Variants in DOCK2 observed in about 807,000 individuals in gnomAD.
DOCK2 encodes the protein dedicator of cytokinesis protein 2.
A neutral mutation model predicts 248.9 loss-of-function variants in DOCK2; 87 were observed. The observed-to-expected ratio is 0.35, with a 90% CI of 0.29 to 0.42. DOCK2 has a LOEUF of 0.42. DOCK2 is among the 10% of genes least tolerant of loss of function. The pLI is 1.00. For missense variants in DOCK2, 1,747 were observed against 2,300.2 expected (o/e 0.76, Z 4.92); for synonymous variants, 805 against 821.6 (o/e 0.98, Z 0.35).
At chr5:169,818,769 A>G (rs1768232816) in intron 26 of DOCK2, among the ~76,000 whole-genome samples, 1 of 152,094 alleles carries the variant, frequency 6.6e-6, no homozygotes, top group Non-Finnish European at 1.5e-5. Flanking sequence ...TCACGCAAAC[A>G]TATCTTTGAG....
chr5:169,686,555 C>T (rs924577369), intron 8 of DOCK2, among the ~76,000 whole-genome samples: 1 of 152,170 alleles, frequency 6.6e-6, no homozygotes. Context: ...AGAGAAGAGG[C>T]ACAATGCAGG....
intron 21 of DOCK2, among the ~76,000 whole-genome samples, chr5:169,717,963 G>A (rs1392619689): frequency 2.6e-5 from 4 of 152,230 alleles, no homozygotes; most frequent in Non-Finnish European, 5.9e-5. Context: ...TCGGGAGGCT[G>A]AGGCAGGAGA....
At chr5:169,742,663 C>G (rs905945885) in intron 22 of DOCK2, among the ~76,000 whole-genome samples, 2 of 152,216 alleles carry the variant, frequency 1.3e-5, no homozygotes, top group Non-Finnish European at 2.9e-5. Flanking sequence ...TTCTGCTCCC[C>G]TGGGATGCTA....
intron 14 of DOCK2, among the ~76,000 whole-genome samples, chr5:169,705,708 T>A (rs755692253): frequency 3.3e-5 from 5 of 152,214 alleles, no homozygotes; most frequent in Non-Finnish European, 5.9e-5. Context: ...CATGATGTGG[T>A]CTTGTGAGAG....
intron 26 of DOCK2, among the ~76,000 whole-genome samples, chr5:169,810,913 T>G (rs1767699521): frequency 6.6e-6 from 1 of 151,766 alleles, no homozygotes; most frequent in Non-Finnish European, 1.5e-5. Context: ...ATTTGTCTAA[T>G]GCGTTGAATA....
intron 33 of DOCK2, among the ~76,000 whole-genome samples, chr5:170,023,426 G>C (rs1755798580): frequency 6.6e-6 from 1 of 152,106 alleles, no homozygotes; most frequent in African/African-American, 2.4e-5. Context: ...CAATAAATCT[G>C]TACTGAGTGC....
At chr5:169,967,683 A>G (rs1777352593) in intron 27 of DOCK2, among the ~76,000 whole-genome samples, 1 of 152,138 alleles carries the variant, frequency 6.6e-6, no homozygotes, top group Admixed American at 6.5e-5. Context: ...AACAGGGAGA[A>G]TTGATTAGAG....
intron 44 of DOCK2, among the ~76,000 whole-genome samples, chr5:170,062,130 A>T (rs111937298): frequency 0.11 from 15,228 of 134,268 alleles, 963 homozygotes; most frequent in African/African-American, 0.24. Flanking sequence ...TGTGTGTGTG[A>T]GAGAGAGAGA....
chr5:169,965,431 G>A (rs1460212784), intron 27 of DOCK2, among the ~76,000 whole-genome samples: 1 of 152,224 alleles, frequency 6.6e-6, no homozygotes, highest in Admixed American at 6.5e-5. Context: ...GCTTAGAAAT[G>A]AGAATTCATA....
rs1028497336 is a variant in DOCK2 at position 169,714,308 on chromosome 5, A to G, written c.1844-52A>G. 2.5e-6 allele frequency: 4 copies of G among 1,613,148 alleles called. No homozygotes were observed. The Admixed American group carries it at 5.0e-5, about 20-fold the overall frequency. On this transcript the variant is annotated intron_variant, in intron 18 of 51. Coordinates refer to ENST00000520908, the MANE Select transcript of DOCK2 (RefSeq NM_004946.3). Reference sequence around the variant, plus strand: ...CTTGCAGACCCAAGGAGGTCCTGATATGGACAGTTAGGCCAGTAATGATAC... The same window carrying G: ...CTTGCAGACCCAAGGAGGTCCTGATGTGGACAGTTAGGCCAGTAATGATAC...
chr5:169,876,300 G>T (rs1772331370), intron 27 of DOCK2, among the ~76,000 whole-genome samples: 1 of 152,198 alleles, frequency 6.6e-6, no homozygotes, highest in Admixed American at 6.5e-5. Flanking sequence ...GGGTCTGTAG[G>T]ATGTGGACAC....
intron 27 of DOCK2, among the ~76,000 whole-genome samples, chr5:169,942,405 G>A (rs1776277963): frequency 6.6e-6 from 1 of 152,290 alleles, no homozygotes; most frequent in South Asian, 2.1e-4. Context: ...TTGTGGAGCT[G>A]ACACAATTCA....
At chr5:170,036,422 C>G in intron 35 of DOCK2, 93 bp from the exon 36 acceptor site, 5 of 1,318,622 alleles carry the variant, frequency 3.8e-6, no homozygotes, top group South Asian at 1.3e-5. Flanking sequence ...AGATACTAGA[C>G]AGCAATCTTC....
rs1777540194 is a variant in DOCK2 at position 169,972,492 on chromosome 5, G to GGATTATT, written c.2800-10576_2800-10575insGATTATT. 6.2e-5 allele frequency among the ~76,000 whole-genome samples: 3 copies of GGATTATT among 48,496 alleles called. No homozygotes were observed. In the African/African-American group the frequency reaches 8.8e-4, roughly 14 times the overall value. 31.8% of individuals were successfully genotyped at this position (48,496 alleles called of 152,430 possible). On this transcript the variant is annotated intron_variant, in intron 27 of 51. Coordinates refer to ENST00000520908, the MANE Select transcript of DOCK2 (RefSeq NM_004946.3). Reference sequence around the variant, plus strand: ...TTTTGACAATGAAAAATATTTCAAGGCAATGCCCTTTGAGGGACAAAATTG... The same window carrying GGATTATT: ...TTTTGACAATGAAAAATATTTCAAGGGATTATTCAATGCCCTTTGAGGGACAAAATTG...
intron 22 of DOCK2, among the ~76,000 whole-genome samples, chr5:169,724,392 A>G (rs1042961830): frequency 7.2e-5 from 11 of 152,188 alleles, no homozygotes; most frequent in African/African-American, 2.7e-4. Flanking sequence ...CAGGGAATGA[A>G]TAAAGAAAAG....
At chr5:169,924,572 C>A (rs886548133) in intron 27 of DOCK2, among the ~76,000 whole-genome samples, 4 of 152,106 alleles carry the variant, frequency 2.6e-5, no homozygotes, top group Non-Finnish European at 5.9e-5. Flanking sequence ...CACTGAACAC[C>A]CATCTCATCT....
intron 22 of DOCK2, among the ~76,000 whole-genome samples, chr5:169,739,063 G>T (rs1250514249): frequency 6.6e-6 from 1 of 152,142 alleles, no homozygotes; most frequent in Non-Finnish European, 1.5e-5. Context: ...CATTAGCAAG[G>T]AAAATGTTAA....
intron 23 of DOCK2, among the ~76,000 whole-genome samples, chr5:169,753,125 C>G (rs1012372971): frequency 2.0e-5 from 3 of 152,132 alleles, no homozygotes; most frequent in Non-Finnish European, 4.4e-5. Flanking sequence ...TATTAAGTGT[C>G]AAGTGTTGAG....
chr5:169,856,313 CTTTG>C (rs896104030), intron 27 of DOCK2, among the ~76,000 whole-genome samples: 1 of 152,196 alleles, frequency 6.6e-6, no homozygotes. Context: ...CCCCTGAGCT[CTTTG>C]GTACTAGGGT....
Sources: allele counts gnomAD v4.1 joint callset (sites outside exome capture counted in the v4.1 genomes callset), GRCh38; gene constraint gnomAD v4.1.1; transcripts MANE v1.5; gene names NCBI Gene and HGNC (gene_info 2026-07-23, HGNC 2026-07-21).